Variants in ITGBL1 observed in about 807,000 individuals in gnomAD.
The protein encoded by ITGBL1 is integrin subunit beta like 1, also known as integrin beta-like protein 1.
ITGBL1 carries 51 observed loss-of-function variants against 68.5 expected under a neutral mutation model. The ratio of observed to expected loss-of-function variants is 0.74; its 90% CI spans 0.59 to 0.94. The LOEUF (loss-of-function observed/expected upper bound fraction) is 0.94, where lower values mean the gene tolerates loss of function less well. Among genes scored for constraint, ITGBL1 ranks in the 40% least tolerant of loss-of-function variants. ITGBL1 has a pLI of 0.00. For synonymous variants in ITGBL1, 209 were observed against 227.3 expected (o/e 0.92, Z 0.72); for missense variants, 649 against 647.4 (o/e 1.00, Z -0.03).
At chr13:101,648,150 T>G (rs2032624520) in intron 7 of ITGBL1, among the ~76,000 whole-genome samples, 6 of 152,172 alleles carry the variant, frequency 3.9e-5, no homozygotes, top group Admixed American at 3.9e-4. Context: ...ATTACACCGT[T>G]CAGAGCTTCT....
At chr13:101,591,936 CA>C (rs2050662887) in intron 6 of ITGBL1, among the ~76,000 whole-genome samples, 1 of 152,084 alleles carries the variant, frequency 6.6e-6, no homozygotes, top group South Asian at 2.1e-4. Flanking sequence ...CTGATGAATA[CA>C]AAAACCAGTA....
intron 2 of ITGBL1, among the ~76,000 whole-genome samples, chr13:101,457,784 C>A (rs1426322720): frequency 1.3e-5 from 2 of 151,878 alleles, no homozygotes; most frequent in Non-Finnish European, 2.9e-5. Flanking sequence ...CCATTGCACT[C>A]CAGCCTGAGT....
chr13:101,515,060 A>G (rs1000352861), intron 2 of ITGBL1, among the ~76,000 whole-genome samples: 2 of 152,124 alleles, frequency 1.3e-5, no homozygotes, highest in Non-Finnish European at 2.9e-5. Flanking sequence ...CTTATATAAA[A>G]TACTTACAAT....
chr13:101,579,586 T>C (rs2050421719), intron 5 of ITGBL1, among the ~76,000 whole-genome samples, 159 bp downstream of exon 5: 1 of 152,220 alleles, frequency 6.6e-6, no homozygotes, highest in South Asian at 2.1e-4. Flanking sequence ...CAATCTTTTC[T>C]GTCTTGTTTT....
At chr13:101,506,455 T>C (rs1398270447) in intron 2 of ITGBL1, among the ~76,000 whole-genome samples, 2 of 152,194 alleles carry the variant, frequency 1.3e-5, no homozygotes, top group African/African-American at 4.8e-5. Flanking sequence ...ATAGCGACTC[T>C]GAAAGACCAC....
At chr13:101,520,558 A>G (rs1341937537) in intron 2 of ITGBL1, among the ~76,000 whole-genome samples, 2 of 152,200 alleles carry the variant, frequency 1.3e-5, no homozygotes, top group Admixed American at 1.3e-4. Context: ...CACTGTTGCC[A>G]TAGTTCCATG....
At chr13:101,536,717 G>A (rs2049583399) in intron 2 of ITGBL1, among the ~76,000 whole-genome samples, 1 of 151,872 alleles carries the variant, frequency 6.6e-6, no homozygotes, top group South Asian at 2.1e-4. Context: ...AGACTTCTGA[G>A]TAAATTGATG....
At chr13:101,525,631 G>A (rs1011565612) in intron 2 of ITGBL1, among the ~76,000 whole-genome samples, 3 of 151,840 alleles carry the variant, frequency 2.0e-5, no homozygotes, top group East Asian at 3.9e-4. Flanking sequence ...ATTTTGAAGA[G>A]AAATGCATTA....
chr13:101,478,738 A>G (rs2048572850), intron 2 of ITGBL1, among the ~76,000 whole-genome samples: 1 of 152,028 alleles, frequency 6.6e-6, no homozygotes, highest in African/African-American at 2.4e-5. Flanking sequence ...ACAGCTACAA[A>G]TAAAATGAGT....
At chr13:101,598,602 C>T (rs1265607912) in intron 7 of ITGBL1, among the ~76,000 whole-genome samples, 3 of 152,088 alleles carry the variant, frequency 2.0e-5, no homozygotes, top group Admixed American at 2.0e-4. Context: ...CACCACACAA[C>T]AGTCCCCAGT....
intron 7 of ITGBL1, among the ~76,000 whole-genome samples, chr13:101,626,116 C>T (rs144527216): frequency 5.3e-5 from 8 of 152,254 alleles, no homozygotes; most frequent in African/African-American, 1.9e-4. Flanking sequence ...CTAACGGTAT[C>T]AGCATCAAAT....
chr13:101,586,451 A>T (rs2050559034), intron 6 of ITGBL1, among the ~76,000 whole-genome samples: 1 of 152,066 alleles, frequency 6.6e-6, no homozygotes, highest in Non-Finnish European at 1.5e-5. Context: ...ATTTACAGAG[A>T]CTCTACTCTA....
At chr13:101,518,126 A>G (rs955023281) in intron 2 of ITGBL1, among the ~76,000 whole-genome samples, 5 of 152,224 alleles carry the variant, frequency 3.3e-5, no homozygotes, top group Non-Finnish European at 7.3e-5. Context: ...ATGTTAAGAA[A>G]GGAACCAATC....
Position 101,583,159 on chromosome 13 carries a change from G to T in ITGBL1, c.728-57G>T, listed in dbSNP as rs2050490794. ...GAAAATAATAAGCGATATGTGAAAT[G>T]CTTTCTTTCATGGTTTTTCTTGACT... is the stretch of plus-strand genomic sequence containing the variant. On this transcript the variant is annotated intron_variant, in intron 5 of 10. Coordinates refer to ENST00000376180, the MANE Select transcript of ITGBL1 (RefSeq NM_004791.3). 1.3e-6 allele frequency: 2 copies of T among 1,522,530 alleles called. 1 individual carries two copies. The highest frequency in any genetic ancestry group is 2.3e-5 in the South Asian group (2 of 88,694). The allele number at this position is 1,522,530 out of a possible 1,614,324, so 94.3% of individuals were successfully genotyped here. A position where few individuals can be genotyped will look rare whatever the true frequency, so the allele number is the denominator to read the frequency against.
chr13:101,463,512 G>T (rs879700399), intron 2 of ITGBL1, among the ~76,000 whole-genome samples: 7 of 152,122 alleles, frequency 4.6e-5, no homozygotes, highest in Non-Finnish European at 8.8e-5. Context: ...GAATGCTCCA[G>T]AACCCTACCC....
chr13:101,508,165 T>C (rs2049055927), intron 2 of ITGBL1, among the ~76,000 whole-genome samples: 1 of 152,198 alleles, frequency 6.6e-6, no homozygotes, highest in African/African-American at 2.4e-5. Flanking sequence ...TTATGTCTCT[T>C]GGCTGTCTCC....
chr13:101,574,522 G>A (rs898357112), intron 3 of ITGBL1, among the ~76,000 whole-genome samples: 5 of 152,058 alleles, frequency 3.3e-5, no homozygotes, highest in Non-Finnish European at 5.9e-5. Flanking sequence ...TGAGAGGAGG[G>A]TTATGGCTGA....
chr13:101,616,642 C>G (rs931116726), intron 7 of ITGBL1, among the ~76,000 whole-genome samples: 1 of 152,138 alleles, frequency 6.6e-6, no homozygotes, highest in African/African-American at 2.4e-5. Context: ...AGGCATGCAC[C>G]ACCATGCCCG....
chr13:101,705,847 A>G (rs1033539227), intron 8 of ITGBL1, among the ~76,000 whole-genome samples: 8 of 152,118 alleles, frequency 5.3e-5, no homozygotes, highest in African/African-American at 1.9e-4. Context: ...CACTTTGTCC[A>G]TGGTGCTTGA....
Sources: allele counts gnomAD v4.1 joint callset (sites outside exome capture counted in the v4.1 genomes callset), GRCh38; gene constraint gnomAD v4.1.1; transcripts MANE v1.5; gene names NCBI Gene and HGNC (gene_info 2026-07-23, HGNC 2026-07-21).